Variants in PIGL observed in about 807,000 individuals in gnomAD.
PIGL encodes the protein N-acetylglucosaminyl-phosphatidylinositol de-N-acetylase.
PIGL carries 22 observed loss-of-function variants against 31.1 expected under a neutral mutation model. The ratio of observed to expected loss-of-function variants is 0.71; its 90% CI spans 0.51 to 1.01. The LOEUF (loss-of-function observed/expected upper bound fraction) is 1.01. Ranked by LOEUF, PIGL falls within the 50% of genes least tolerant of loss-of-function variation. PIGL has a pLI of 0.00. For synonymous variants in PIGL, 131 were observed against 117.4 expected (o/e 1.12, Z -0.75); for missense variants, 302 against 315.9 (o/e 0.96, Z 0.33).
chr17:16,290,878 C>T (rs1034170566), intron 2 of PIGL, among the ~76,000 whole-genome samples: 6 of 151,848 alleles, frequency 4.0e-5, no homozygotes, highest in African/African-American at 1.5e-4. Context: ...CAGGGTCTCA[C>T]TATGTTGCCC....
intron 6 of PIGL, 134 bp downstream of exon 6, chr17:16,318,042 G>C (rs2093086018): frequency 1.5e-6 from 1 of 676,828 alleles, no homozygotes; most frequent in South Asian, 1.9e-5. Flanking sequence ...CTGAGAATTA[G>C]GGCTAGGCCA....
At chr17:16,318,079 T>C (rs2093086181) in intron 6 of PIGL, among the ~76,000 whole-genome samples, 171 bp downstream of exon 6, 1 of 152,218 alleles carries the variant, frequency 6.6e-6, no homozygotes, top group Non-Finnish European at 1.5e-5. Context: ...CATAGATTTT[T>C]CAATGACTTT....
intron 2 of PIGL, among the ~76,000 whole-genome samples, chr17:16,253,741 A>G (rs2142732621): frequency 6.6e-6 from 1 of 152,222 alleles, no homozygotes; most frequent in African/African-American, 2.4e-5. Flanking sequence ...TGAGCCCAGG[A>G]ATTCAAGACC....
At chr17:16,291,171 A>C (rs1183647744) in intron 2 of PIGL, among the ~76,000 whole-genome samples, 1 of 152,230 alleles carries the variant, frequency 6.6e-6, no homozygotes, top group Non-Finnish European at 1.5e-5. Context: ...ATGTGTACTA[A>C]GTAAATCTCT....
intron 2 of PIGL, among the ~76,000 whole-genome samples, chr17:16,263,940 C>G (rs139336310): frequency 1.5e-5 from 2 of 135,864 alleles, no homozygotes; most frequent in Non-Finnish European, 3.1e-5. Context: ...CTCCTGAGTT[C>G]AAGCGATTCT....
chr17:16,309,751 A>G (rs1003890822), intron 3 of PIGL, among the ~76,000 whole-genome samples: 2 of 123,580 alleles, frequency 1.6e-5, no homozygotes, highest in South Asian at 6.1e-4. Context: ...CAACAGAGCA[A>G]GACTCCATCT....
intron 1 of PIGL, among the ~76,000 whole-genome samples, chr17:16,232,399 T>C (rs2092682801): frequency 6.6e-6 from 1 of 152,212 alleles, no homozygotes; most frequent in Non-Finnish European, 1.5e-5. Context: ...TGTTCTAGAA[T>C]GTATCAGTTA....
intron 3 of PIGL, among the ~76,000 whole-genome samples, chr17:16,303,111 T>A (rs1188878844): frequency 6.6e-6 from 1 of 152,162 alleles, no homozygotes; most frequent in Non-Finnish European, 1.5e-5. Context: ...GAGTCTCCCA[T>A]GTTTGGGTCC....
chr17:16,234,236 G>A (rs1016170841), intron 2 of PIGL, 166 bp downstream of exon 2: 17 of 492,340 alleles, frequency 3.5e-5, no homozygotes, highest in African/African-American at 1.2e-4. Context: ...TTGGGAGGCC[G>A]AGGTGGGCGG....
intron 1 of PIGL, among the ~76,000 whole-genome samples, chr17:16,221,607 A>T (rs940805059): frequency 6.7e-6 from 1 of 149,662 alleles, no homozygotes; most frequent in East Asian, 2.0e-4. Flanking sequence ...GCATCACCAT[A>T]CCTGGCTAAT....
At chr17:16,278,700 C>T (rs9914734) in intron 2 of PIGL, among the ~76,000 whole-genome samples, 66,871 of 131,204 alleles carry the variant, frequency 0.51, 15,479 homozygotes, top group Middle Eastern at 0.58. Context: ...ATCCTTTAAC[C>T]CTTAAATCTA....
intron 5 of PIGL, 60 bp downstream of exon 5, chr17:16,316,772 G>T: frequency 6.2e-7 from 1 of 1,600,328 alleles, no homozygotes; most frequent in South Asian, 1.1e-5. Flanking sequence ...AAACTTATGA[G>T]GGGGAAATTT....
rs375980053 is a variant in PIGL, at chr17:16,325,806, A to G, written c.667A>G (p.Met223Val). The G allele has an allele frequency of 5.0e-6, 8 of 1,613,068 alleles. No individual in the cohort carries two copies. The South Asian group carries it at 5.5e-5, about 11-fold the overall frequency. ...TTCTCTTTGATTCTTCTAGAAAGCCATGTCCTGCCACCGCAGCCAGCTCCT... is the reference window on the plus strand; with the variant it reads ...TTCTCTTTGATTCTTCTAGAAAGCCGTGTCCTGCCACCGCAGCCAGCTCCT... ...SKEVAQAKKA[M>V]SCHRSQLLWF... Residue 223 changes from methionine to valine, a missense_variant, in exon 7 of 7, where the codon ATG becomes GTG. Transcript: ENST00000225609.
intron 3 of PIGL, among the ~76,000 whole-genome samples, chr17:16,300,670 ACT>A (rs1275245840): frequency 6.7e-6 from 1 of 150,020 alleles, no homozygotes; most frequent in African/African-American, 2.5e-5. Context: ...GCAGAGTGAG[ACT>A]CTGTCTCAGA....
chr17:16,228,471 G>A (rs1402971912), intron 1 of PIGL, among the ~76,000 whole-genome samples: 1 of 151,908 alleles, frequency 6.6e-6, no homozygotes, highest in Non-Finnish European at 1.5e-5. Context: ...TGCAAGCTCC[G>A]CCTCCCGGGT....
At chr17:16,316,969 G>T in intron 5 of PIGL, 1 of 1,276,574 alleles carries the variant, frequency 7.8e-7, no homozygotes, top group Non-Finnish European at 1.0e-6. Flanking sequence ...TTTTCACAGG[G>T]TGGATGTTTT....
At chr17:16,260,650 G>T (rs754421931) in intron 2 of PIGL, among the ~76,000 whole-genome samples, 1 of 152,058 alleles carries the variant, frequency 6.6e-6, no homozygotes, top group Non-Finnish European at 1.5e-5. Flanking sequence ...CTGACAGCTG[G>T]ATACTCGTTG....
At chr17:16,285,778 C>T (rs1307943815) in intron 2 of PIGL, among the ~76,000 whole-genome samples, 14 of 138,058 alleles carry the variant, frequency 1.0e-4, no homozygotes, top group Admixed American at 7.5e-4. Flanking sequence ...TTTTCCTTCT[C>T]TTACTTATCT....
At chr17:16,316,982 A>G in intron 5 of PIGL, 2 of 1,245,360 alleles carry the variant, frequency 1.6e-6, no homozygotes, top group Non-Finnish European at 1.0e-6. Context: ...GATGTTTTAC[A>G]CCTCTGGTAT....
Sources: gnomAD v4.1 joint callset for allele counts (sites outside exome capture counted in the v4.1 genomes callset) on GRCh38, gnomAD v4.1.1 for gene constraint, MANE v1.5 for transcripts, NCBI Gene and HGNC (gene_info 2026-07-23, HGNC 2026-07-21) for gene names.